Variants in GALNTL6 observed in about 807,000 individuals in gnomAD.
GALNTL6 encodes the protein polypeptide N-acetylgalactosaminyltransferase-like 6.
In GALNTL6, 46 loss-of-function variants were observed where a neutral mutation model predicts 73.7. The observed-to-expected ratio is 0.62, with a 90% confidence interval of 0.49 to 0.80. The LOEUF (loss-of-function observed/expected upper bound fraction) is 0.80. Ranked by LOEUF, GALNTL6 falls within the 30% of genes least tolerant of loss-of-function variation. The pLI is 0.00. For missense variants in GALNTL6, 604 were observed against 755.0 expected (o/e 0.80, Z 2.34); for synonymous variants, 259 against 263.7 (o/e 0.98, Z 0.17).
At chr4:173,032,074 A>G (rs1277868614) in intron 12 of GALNTL6, among the ~76,000 whole-genome samples, 1 of 152,234 alleles carries the variant, frequency 6.6e-6, no homozygotes, top group Non-Finnish European at 1.5e-5. Context: ...TCAGAACAGA[A>G]AGAAGCCAGT....
intron 5 of GALNTL6, among the ~76,000 whole-genome samples, chr4:172,517,272 A>G (rs1010886605): frequency 1.3e-5 from 2 of 152,148 alleles, no homozygotes; most frequent in African/African-American, 4.8e-5. Context: ...TCTGATGGCC[A>G]GGTAGTGGCT....
chr4:172,825,586 A>G (rs77468984), intron 7 of GALNTL6, among the ~76,000 whole-genome samples: 2,053 of 152,290 alleles, frequency 0.013, 44 homozygotes, highest in African/African-American at 0.046. Context: ...CCCAGCCTGC[A>G]CTGGATTGGT....
chr4:171,978,895 T>A (rs539212818), intron 2 of GALNTL6, among the ~76,000 whole-genome samples: 71 of 152,310 alleles, frequency 4.7e-4, no homozygotes, highest in African/African-American at 1.7e-3. Context: ...CATATACATA[T>A]AAATCAAAAT....
intron 2 of GALNTL6, among the ~76,000 whole-genome samples, chr4:172,188,214 A>G (rs1735472009): frequency 6.6e-6 from 1 of 152,246 alleles, no homozygotes; most frequent in South Asian, 2.1e-4. Context: ...TCTATTCAAC[A>G]TAAAGTCTAA....
chr4:172,537,808 A>T (rs1045361531), intron 5 of GALNTL6, among the ~76,000 whole-genome samples: 1 of 152,252 alleles, frequency 6.6e-6, no homozygotes, highest in Admixed American at 6.5e-5. Flanking sequence ...ATATAAATCT[A>T]GTGAAACCAA....
chr4:172,980,609 C>T (rs1482929997), intron 10 of GALNTL6, among the ~76,000 whole-genome samples: 2 of 152,170 alleles, frequency 1.3e-5, no homozygotes, highest in African/African-American at 4.8e-5. Flanking sequence ...TCTGTGTGTT[C>T]ATATGGTTGT....
intron 2 of GALNTL6, among the ~76,000 whole-genome samples, chr4:172,049,301 T>C (rs1730752523): frequency 6.6e-6 from 1 of 152,174 alleles, no homozygotes; most frequent in Non-Finnish European, 1.5e-5. Context: ...TTAGAAACTT[T>C]CCCTGCATAC....
At chr4:172,401,933 G>C (rs2111325448) in intron 5 of GALNTL6, among the ~76,000 whole-genome samples, 1 of 124,266 alleles carries the variant, frequency 8.0e-6, no homozygotes, top group South Asian at 3.3e-4. Context: ...GAGAGGGAGA[G>C]AGGGGGAAAG....
intron 5 of GALNTL6, among the ~76,000 whole-genome samples, chr4:172,801,127 T>A (rs1740615559): frequency 6.6e-6 from 1 of 152,192 alleles, no homozygotes; most frequent in African/African-American, 2.4e-5. Context: ...AAATATTTCC[T>A]TTCTAACTGA....
Position 172,266,691 on chromosome 4 carries a change from C to T in GALNTL6, c.247+36927C>T, listed in dbSNP as rs184172446. On this transcript the variant is annotated intron_variant, in intron 3 of 12. Transcript: ENST00000506823. Reference sequence around the variant, plus strand: ...ACAATAAAAATGATTTTTTTCATCCCTTTCCCTACAGATATTTTTAAAGGT... The same window carrying T: ...ACAATAAAAATGATTTTTTTCATCCTTTTCCCTACAGATATTTTTAAAGGT... 3.3e-3 allele frequency among the ~76,000 whole-genome samples: 501 copies of T among 152,108 alleles called. 5 individuals carry two copies. Among genetic ancestry groups the T allele is most frequent in the Middle Eastern group, 6.8e-3 (2 of 294 alleles).
At chr4:172,366,424 A>G (rs182308339) in intron 5 of GALNTL6, among the ~76,000 whole-genome samples, 8 of 152,270 alleles carry the variant, frequency 5.3e-5, no homozygotes, top group Admixed American at 3.9e-4. Flanking sequence ...GTCATTTTAT[A>G]TAAGATATAT....
chr4:172,649,949 G>A (rs1274328378), intron 5 of GALNTL6, among the ~76,000 whole-genome samples: 1 of 152,186 alleles, frequency 6.6e-6, no homozygotes, highest in South Asian at 2.1e-4. Context: ...GGCTTCAGAT[G>A]TAGCCAAGGA....
intron 2 of GALNTL6, among the ~76,000 whole-genome samples, chr4:172,113,718 G>A (rs998512462): frequency 6.6e-6 from 1 of 151,920 alleles, no homozygotes; most frequent in African/African-American, 2.4e-5. Context: ...TTCAGGAAAC[G>A]CATTGAGATT....
chr4:172,482,303 C>G (rs552231521), intron 5 of GALNTL6, among the ~76,000 whole-genome samples: 18 of 152,366 alleles, frequency 1.2e-4, no homozygotes, highest in African/African-American at 3.8e-4. Context: ...CCTCCGACAG[C>G]CCAGAGAGGG....
chr4:172,766,579 A>G (rs1285350939), intron 5 of GALNTL6, among the ~76,000 whole-genome samples: 1 of 152,168 alleles, frequency 6.6e-6, no homozygotes, highest in Non-Finnish European at 1.5e-5. Flanking sequence ...ACTTTAATTA[A>G]AAAGGACTAT....
chr4:172,005,544 C>CCA (rs1740817693), intron 2 of GALNTL6, among the ~76,000 whole-genome samples: 1 of 152,098 alleles, frequency 6.6e-6, no homozygotes, highest in African/African-American at 2.4e-5. Flanking sequence ...GGTACAAGCA[C>CCA]CACACACTCA....
intron 2 of GALNTL6, among the ~76,000 whole-genome samples, chr4:172,051,714 G>A (rs1018329273): frequency 6.6e-5 from 10 of 152,138 alleles, no homozygotes; most frequent in Admixed American, 1.3e-4. Flanking sequence ...GGAGCATGGC[G>A]GGCCAAAAGG....
chr4:172,064,380 G>A (rs767245630), intron 2 of GALNTL6, among the ~76,000 whole-genome samples: 1 of 152,154 alleles, frequency 6.6e-6, no homozygotes, highest in East Asian at 1.9e-4. Flanking sequence ...AATAGTGTAC[G>A]CTTGAAGTCA....
At chr4:172,030,664 C>T (rs554031476) in intron 2 of GALNTL6, among the ~76,000 whole-genome samples, 13 of 152,014 alleles carry the variant, frequency 8.6e-5, no homozygotes, top group African/African-American at 2.9e-4. Flanking sequence ...AAGCCAAGAT[C>T]GCACCACTGT....
Sources: gnomAD v4.1 joint callset for allele counts (sites outside exome capture counted in the v4.1 genomes callset) on GRCh38, gnomAD v4.1.1 for gene constraint, MANE v1.5 for transcripts, NCBI Gene and HGNC (gene_info 2026-07-23, HGNC 2026-07-21) for gene names.